Variants in NIBAN1 observed in about 807,000 individuals in gnomAD.
NIBAN1 encodes the protein protein Niban 1.
NIBAN1 carries 81 observed loss-of-function variants against 75.1 expected under a neutral mutation model. That is an observed-to-expected ratio of 1.08 (90% CI 0.90 to 1.30). The LOEUF (loss-of-function observed/expected upper bound fraction) is 1.30, where lower values mean the gene tolerates loss of function less well. Among genes scored for constraint, NIBAN1 ranks in the 50% most tolerant of loss-of-function variants. The probability of loss-of-function intolerance (pLI) is 0.00; values close to 1 mark genes in which losing one functional copy is unlikely to be tolerated. For synonymous variants in NIBAN1, 436 were observed against 424.8 expected (o/e 1.03, Z -0.32); for missense variants, 1,133 against 1,128.1 (o/e 1.00, Z -0.06).
chr1:184,879,645 G>A (rs551928715), intron 5 of NIBAN1, among the ~76,000 whole-genome samples: 1 of 152,256 alleles, frequency 6.6e-6, no homozygotes, highest in African/African-American at 2.4e-5. Flanking sequence ...TGAATTGTAA[G>A]GTCCTTTGTT....
intron 1 of NIBAN1, among the ~76,000 whole-genome samples, chr1:184,907,912 A>G (rs1657144787): frequency 6.6e-6 from 1 of 152,222 alleles, no homozygotes; most frequent in African/African-American, 2.4e-5. Context: ...CATAAAAACC[A>G]ACTTAAGTTC....
chr1:184,893,025 G>T (rs1369455567), intron 3 of NIBAN1, among the ~76,000 whole-genome samples: 4 of 152,136 alleles, frequency 2.6e-5, no homozygotes, highest in African/African-American at 9.7e-5. Context: ...ACCTGCCTTG[G>T]CCTCCCAAAG....
At chr1:184,895,971 A>G (rs1008832319) in intron 2 of NIBAN1, among the ~76,000 whole-genome samples, 2 of 152,124 alleles carry the variant, frequency 1.3e-5, no homozygotes, top group Non-Finnish European at 2.9e-5. Flanking sequence ...GCTGGTGCAC[A>G]CTTAGGTTGG....
At chr1:184,945,854 C>A (rs978310241) in intron 1 of NIBAN1, among the ~76,000 whole-genome samples, 3 of 152,052 alleles carry the variant, frequency 2.0e-5, no homozygotes, top group East Asian at 1.9e-4. Flanking sequence ...GAAGAGCGTT[C>A]TGAATGAGAG....
chr1:184,852,802 C>G (rs1423128790), intron 5 of NIBAN1, among the ~76,000 whole-genome samples: 1 of 152,118 alleles, frequency 6.6e-6, no homozygotes, highest in Non-Finnish European at 1.5e-5. Context: ...CTGTCTCTCT[C>G]TCTCACTCAT....
chr1:184,877,800 C>T (rs899335525), intron 5 of NIBAN1, among the ~76,000 whole-genome samples: 2 of 152,010 alleles, frequency 1.3e-5, no homozygotes, highest in Non-Finnish European at 2.9e-5. Context: ...AGAAGAAAAA[C>T]AAACCCAAAA....
chr1:184,909,722 ATGATTTGGTCAAGCACTATGTC>A (rs1397483570), intron 1 of NIBAN1, among the ~76,000 whole-genome samples: 1 of 152,224 alleles, frequency 6.6e-6, no homozygotes, highest in African/African-American at 2.4e-5. Context: ...CACTGTCCAC[ATGATTTGGTCAAGCACTATGTC>A]TCTGGATACA....
At chr1:184,924,052 T>A (rs1657625211) in intron 1 of NIBAN1, among the ~76,000 whole-genome samples, 1 of 152,140 alleles carries the variant, frequency 6.6e-6, no homozygotes, top group Non-Finnish European at 1.5e-5. Context: ...CTTTCCAGTT[T>A]AGGTGCCTTT....
At chr1:184,920,183 C>A (rs961575362) in intron 1 of NIBAN1, among the ~76,000 whole-genome samples, 3 of 152,066 alleles carry the variant, frequency 2.0e-5, no homozygotes, top group African/African-American at 7.2e-5. Flanking sequence ...ACTCAGAGCC[C>A]ATGACTAAAT....
chr1:184,904,647 C>T (rs1170372002), intron 1 of NIBAN1, among the ~76,000 whole-genome samples: 1 of 152,170 alleles, frequency 6.6e-6, no homozygotes, highest in Non-Finnish European at 1.5e-5. Flanking sequence ...TCTACTATCT[C>T]TCAACGACAT....
chr1:184,938,853 A>T (rs1658023607), intron 1 of NIBAN1, among the ~76,000 whole-genome samples: 1 of 152,228 alleles, frequency 6.6e-6, no homozygotes, highest in South Asian at 2.1e-4. Context: ...TAAAGATTGT[A>T]TTACTAGGGC....
At chr1:184,807,350 G>A (rs1290329304) in intron 10 of NIBAN1, among the ~76,000 whole-genome samples, 1 of 151,186 alleles carries the variant, frequency 6.6e-6, no homozygotes. Context: ...CTGTCAAGTA[G>A]ACTCAAGAAA....
At chr1:184,961,847 C>T (rs930827745) in intron 1 of NIBAN1, among the ~76,000 whole-genome samples, 4 of 152,216 alleles carry the variant, frequency 2.6e-5, no homozygotes, top group Non-Finnish European at 4.4e-5. Context: ...ATAGACAGAT[C>T]TCTTTTTAGC....
chr1:184,876,571 T>C (rs1656239565), intron 5 of NIBAN1, among the ~76,000 whole-genome samples: 1 of 151,380 alleles, frequency 6.6e-6, no homozygotes, highest in Admixed American at 6.6e-5. Context: ...TGTGGTAGTG[T>C]GCGCTTGTAA....
intron 12 of NIBAN1, among the ~76,000 whole-genome samples, chr1:184,800,354 A>T (rs1293635726): frequency 8.6e-5 from 13 of 150,526 alleles, no homozygotes; most frequent in African/African-American, 3.2e-4. Flanking sequence ...TGCTGTGCAG[A>T]AGCTCTTTAG....
intron 12 of NIBAN1, among the ~76,000 whole-genome samples, chr1:184,801,506 T>G (rs1023236842): frequency 6.6e-6 from 1 of 152,182 alleles, no homozygotes; most frequent in African/African-American, 2.4e-5. Context: ...CAACACCCTT[T>G]CATCCTTCCC....
At chr1:184,813,704 TA>T (rs1654447046) in intron 9 of NIBAN1, among the ~76,000 whole-genome samples, 1 of 152,206 alleles carries the variant, frequency 6.6e-6, no homozygotes, top group Non-Finnish European at 1.5e-5. Flanking sequence ...AATAATTTAT[TA>T]AAAGGAATTT....
chr1:184,950,568 A>T (rs1658335473), intron 1 of NIBAN1, among the ~76,000 whole-genome samples: 1 of 152,228 alleles, frequency 6.6e-6, no homozygotes, highest in African/African-American at 2.4e-5. Flanking sequence ...TGTCAAGAAG[A>T]TGCTTATGCA....
chr1:184,857,227 T>C (rs77816066), intron 5 of NIBAN1, among the ~76,000 whole-genome samples: 400 of 152,272 alleles, frequency 2.6e-3, no homozygotes, highest in African/African-American at 9.2e-3. Flanking sequence ...GATGCTATTG[T>C]GTAAGGCAAG....
Sources: allele counts gnomAD v4.1 joint callset (sites outside exome capture counted in the v4.1 genomes callset), GRCh38; gene constraint gnomAD v4.1.1; transcripts MANE v1.5; gene names NCBI Gene and HGNC (gene_info 2026-07-23, HGNC 2026-07-21).